Variants in CEP63 observed in about 807,000 individuals in gnomAD.
The protein encoded by CEP63 is centrosomal protein of 63 kDa.
In CEP63, 84 loss-of-function variants were observed where a neutral mutation model predicts 89.1. That is an observed-to-expected ratio of 0.94 (90% CI 0.79 to 1.13). The LOEUF (loss-of-function observed/expected upper bound fraction) is 1.13. Ranked by LOEUF, CEP63 falls within the 50% of genes most tolerant of loss-of-function variation. CEP63 has a pLI of 0.00. For missense variants in CEP63, 838 were observed against 813.3 expected (o/e 1.03, Z -0.37); for synonymous variants, 267 against 272.5 (o/e 0.98, Z 0.20).
chr3:134,748,878 A>G, the CEP63 span, among the ~76,000 whole-genome samples: 6 of 152,184 alleles, frequency 3.9e-5, no homozygotes, highest in Non-Finnish European at 8.8e-5. Flanking sequence ...GCACCCAGAA[A>G]GGGAGTGGCC....
the CEP63 span, among the ~76,000 whole-genome samples, chr3:134,639,047 C>CTT: frequency 7.5e-4 from 102 of 135,766 alleles, 1 homozygote; most frequent in Admixed American, 1.3e-3. Context: ...CATTTACAGC[C>CTT]TTTTTTTTTT....
chr3:134,554,591 A>G (rs1472917935), intron 12 of CEP63, among the ~76,000 whole-genome samples: 4 of 149,826 alleles, frequency 2.7e-5, no homozygotes, highest in African/African-American at 9.7e-5. Context: ...TCCTTTGGGT[A>G]TATACCCAGT....
the CEP63 span, among the ~76,000 whole-genome samples, chr3:134,741,250 G>A: frequency 1.3e-5 from 2 of 152,122 alleles, no homozygotes; most frequent in African/African-American, 4.8e-5. Flanking sequence ...TGGTTTCTTC[G>A]GTCTGCACCT....
At chr3:134,645,970 A>G in the CEP63 span, among the ~76,000 whole-genome samples, 2 of 152,232 alleles carry the variant, frequency 1.3e-5, no homozygotes, top group Admixed American at 6.5e-5. Context: ...AACATGCCTG[A>G]GAAGCCCTAA....
chr3:134,720,746 A>G, the CEP63 span, among the ~76,000 whole-genome samples: 6 of 152,226 alleles, frequency 3.9e-5, no homozygotes, highest in Non-Finnish European at 7.4e-5. Flanking sequence ...TTCTTTCCCC[A>G]TTGATGGTCT....
the CEP63 span, among the ~76,000 whole-genome samples, chr3:134,769,439 G>A: frequency 6.6e-6 from 1 of 152,312 alleles, no homozygotes; most frequent in East Asian, 1.9e-4. Context: ...CACCTGGGAA[G>A]TTCTCATAAT....
the CEP63 span, among the ~76,000 whole-genome samples, chr3:134,671,858 A>G: frequency 0.16 from 24,737 of 152,096 alleles, 2,104 homozygotes; most frequent in Middle Eastern, 0.23. Flanking sequence ...ATGTCCACCA[A>G]CTGAGCTGTT....
At chr3:134,686,367 T>C in the CEP63 span, among the ~76,000 whole-genome samples, 1 of 152,196 alleles carries the variant, frequency 6.6e-6, no homozygotes, top group Non-Finnish European at 1.5e-5. Flanking sequence ...TTACTGAGCA[T>C]GCACACCTGT....
At chr3:134,742,502 T>C in the CEP63 span, among the ~76,000 whole-genome samples, 2 of 152,166 alleles carry the variant, frequency 1.3e-5, no homozygotes, top group Non-Finnish European at 2.9e-5. Flanking sequence ...TGCAGGCCAG[T>C]TTTCTGAGTG....
the CEP63 span, among the ~76,000 whole-genome samples, chr3:134,622,372 A>T: frequency 6.6e-6 from 1 of 152,250 alleles, no homozygotes; most frequent in Non-Finnish European, 1.5e-5. Context: ...TGGGAATATT[A>T]TTCAACTACA....
chr3:134,599,563 C>T, the CEP63 span, among the ~76,000 whole-genome samples: 2 of 152,186 alleles, frequency 1.3e-5, no homozygotes, highest in South Asian at 4.1e-4. Context: ...TATTTATATA[C>T]ATTCAAAAGA....
chr3:134,536,407 C>A (rs912610080), intron 5 of CEP63: 1 of 152,726 alleles, frequency 6.5e-6, no homozygotes, highest in Non-Finnish European at 1.5e-5. Context: ...AGTTGAGGGT[C>A]CTGGAAGACA....
At chr3:134,658,142 C>T in the CEP63 span, among the ~76,000 whole-genome samples, 4 of 152,096 alleles carry the variant, frequency 2.6e-5, no homozygotes, top group Admixed American at 6.6e-5. Flanking sequence ...GTGATCTGCC[C>T]GCCTCAGCCT....
intron 12 of CEP63, among the ~76,000 whole-genome samples, chr3:134,553,882 A>C (rs1261967516): frequency 7.2e-5 from 11 of 152,086 alleles, no homozygotes; most frequent in African/African-American, 2.4e-4. Context: ...GTGTGCATAA[A>C]ATGGTCATTG....
chr3:134,617,765 G>C, the CEP63 span, among the ~76,000 whole-genome samples: 1 of 152,194 alleles, frequency 6.6e-6, no homozygotes, highest in Non-Finnish European at 1.5e-5. Flanking sequence ...CTGGAGCGGG[G>C]CCTGGAAGGA....
Position 134,582,706 on chromosome 3 carries a change from G to A in CEP63, c.1207-4752G>A, listed in dbSNP as rs1958390455. Reference sequence around the variant, plus strand: ...TGGGTATATACCCAATAATGGGATTGCTGGGTCAAATGGTATTTCTAGTTC... The same window carrying A: ...TGGGTATATACCCAATAATGGGATTACTGGGTCAAATGGTATTTCTAGTTC... On this transcript the variant is annotated intron_variant, in intron 10 of 10. Transcript: ENST00000683931. 2.0e-5 allele frequency among the ~76,000 whole-genome samples: 3 copies of A among 152,170 alleles called. 1 individual carries two copies. Among genetic ancestry groups the A allele is most frequent in the Admixed American group, 2.0e-4 (3 of 15,282 alleles).
chr3:134,526,222 G>T (rs1948615701), intron 3 of CEP63, among the ~76,000 whole-genome samples: 1 of 151,638 alleles, frequency 6.6e-6, no homozygotes, highest in Non-Finnish European at 1.5e-5. Flanking sequence ...GGTCTATTTT[G>T]CTATTAATAC....
At chr3:134,768,163 A>G in the CEP63 span, among the ~76,000 whole-genome samples, 1 of 152,170 alleles carries the variant, frequency 6.6e-6, no homozygotes, top group East Asian at 1.9e-4. Flanking sequence ...GGAAGCATCA[A>G]ATGGGGAGCC....
At chr3:134,768,953 G>T in the CEP63 span, among the ~76,000 whole-genome samples, 5 of 152,146 alleles carry the variant, frequency 3.3e-5, no homozygotes, top group African/African-American at 1.2e-4. Flanking sequence ...GGATCAGAGA[G>T]AAGTTTCTAG....
Sources: gnomAD v4.1 joint callset for allele counts (sites outside exome capture counted in the v4.1 genomes callset) on GRCh38, gnomAD v4.1.1 for gene constraint, MANE v1.5 for transcripts, NCBI Gene and HGNC (gene_info 2026-07-23, HGNC 2026-07-21) for gene names.